SYN3: variants seen among roughly 807,000 people sequenced by gnomAD.
The protein encoded by SYN3 is synapsin-3.
SYN3 carries 35 observed loss-of-function variants against 65.8 expected under a neutral mutation model. That is an observed-to-expected ratio of 0.53 (90% CI 0.41 to 0.70). The LOEUF is 0.70. Ranked by LOEUF, SYN3 falls within the 30% of genes least tolerant of loss-of-function variation. SYN3 has a pLI of 0.00. For missense variants in SYN3, 680 were observed against 749.0 expected (o/e 0.91, Z 1.08); for synonymous variants, 270 against 292.9 (o/e 0.92, Z 0.80).
chr22:32,737,839 C>G (rs559387874), intron 6 of SYN3, among the ~76,000 whole-genome samples: 1 of 152,276 alleles, frequency 6.6e-6, no homozygotes, highest in Admixed American at 6.5e-5. Context: ...GTTGAGATGT[C>G]ACTTCTGGGC....
At chr22:32,917,958 C>A (rs1164174644) in intron 4 of SYN3, among the ~76,000 whole-genome samples, 1 of 151,850 alleles carries the variant, frequency 6.6e-6, no homozygotes, top group Non-Finnish European at 1.5e-5. Flanking sequence ...TAGATGGGGG[C>A]TTCCCCCTCC....
intron 4 of SYN3, among the ~76,000 whole-genome samples, chr22:32,872,145 C>T (rs1377015536): frequency 6.6e-6 from 1 of 152,158 alleles, no homozygotes; most frequent in Admixed American, 6.5e-5. Context: ...TTTATTTCTC[C>T]TGTTTGTTTG....
At chr22:32,928,446 A>T (rs2050538761) in intron 4 of SYN3, among the ~76,000 whole-genome samples, 1 of 152,272 alleles carries the variant, frequency 6.6e-6, no homozygotes, top group African/African-American at 2.4e-5. Context: ...CAGTTGGGCA[A>T]AATCTTTGAA....
intron 2 of SYN3, among the ~76,000 whole-genome samples, chr22:32,996,925 C>G (rs2052897528): frequency 1.3e-5 from 2 of 152,212 alleles, no homozygotes; most frequent in Admixed American, 1.3e-4. Flanking sequence ...TGGCTGTGCA[C>G]TGTAACATGG....
chr22:32,518,995 G>C (rs771224936), intron 12 of SYN3, among the ~76,000 whole-genome samples: 9 of 152,128 alleles, frequency 5.9e-5, no homozygotes, highest in Admixed American at 3.9e-4. Flanking sequence ...ATGTACCCAG[G>C]TACAGAAGAA....
At chr22:32,709,775 A>G (rs775313749) in intron 6 of SYN3, among the ~76,000 whole-genome samples, 3 of 151,786 alleles carry the variant, frequency 2.0e-5, no homozygotes, top group Non-Finnish European at 4.4e-5. Flanking sequence ...TATAAAGGCT[A>G]TCTTATCTTC....
intron 3 of SYN3, among the ~76,000 whole-genome samples, chr22:32,957,700 A>G (rs1267753979): frequency 1.3e-5 from 2 of 152,166 alleles, no homozygotes; most frequent in Non-Finnish European, 2.9e-5. Flanking sequence ...TGAACTGGTC[A>G]CCCTTTCAAA....
intron 6 of SYN3, among the ~76,000 whole-genome samples, chr22:32,638,552 CTGA>C (rs1319346611): frequency 2.0e-5 from 3 of 152,156 alleles, no homozygotes; most frequent in Non-Finnish European, 4.4e-5. Context: ...TTGCATTTCT[CTGA>C]TGATTAGTGA....
intron 6 of SYN3, among the ~76,000 whole-genome samples, chr22:32,803,825 T>G (rs2046654135): frequency 6.6e-6 from 1 of 152,200 alleles, no homozygotes; most frequent in South Asian, 2.1e-4. Flanking sequence ...GAAAATGGGC[T>G]GGGTGACTTC....
At chr22:32,916,327 C>A (rs1273194979) in intron 4 of SYN3, among the ~76,000 whole-genome samples, 1 of 152,182 alleles carries the variant, frequency 6.6e-6, no homozygotes, top group Non-Finnish European at 1.5e-5. Flanking sequence ...TGTGGGTTTA[C>A]AACACAAAGA....
intron 9 of SYN3, among the ~76,000 whole-genome samples, chr22:32,534,379 C>T: frequency 6.6e-6 from 1 of 152,140 alleles, no homozygotes; most frequent in African/African-American, 2.4e-5. Flanking sequence ...CCAGTCCCAG[C>T]CCTGGCCGGA....
At chr22:32,815,034 T>C (rs532791493) in intron 6 of SYN3, among the ~76,000 whole-genome samples, 4 of 152,388 alleles carry the variant, frequency 2.6e-5, no homozygotes, top group African/African-American at 9.6e-5. Context: ...TTATGTATTT[T>C]ACACTCATAG....
chr22:32,525,585 C>T (rs1014105540), intron 12 of SYN3, among the ~76,000 whole-genome samples: 4 of 152,038 alleles, frequency 2.6e-5, no homozygotes, highest in South Asian at 2.1e-4. Context: ...TGGTGGGCAC[C>T]TGTAGTCCCA....
intron 6 of SYN3, among the ~76,000 whole-genome samples, chr22:32,677,694 G>T (rs901152553): frequency 6.6e-6 from 1 of 151,998 alleles, no homozygotes; most frequent in Non-Finnish European, 1.5e-5. Context: ...CCACCTACTC[G>T]GGAGGCTGAG....
chr22:32,609,220 A>G (rs2059409492), intron 6 of SYN3, among the ~76,000 whole-genome samples: 1 of 151,984 alleles, frequency 6.6e-6, no homozygotes, highest in Non-Finnish European at 1.5e-5. Context: ...GTTACTCGGG[A>G]GGCTGAGGGA....
chr22:32,886,919 A>G (rs979948233), intron 4 of SYN3, among the ~76,000 whole-genome samples: 1 of 152,208 alleles, frequency 6.6e-6, no homozygotes, highest in Non-Finnish European at 1.5e-5. Context: ...AAGCCCTTAC[A>G]TGCTTCTCCC....
At chr22:32,581,776 T>TTTTCTTTC (rs767792571) in intron 7 of SYN3, among the ~76,000 whole-genome samples, 3 of 66,640 alleles carry the variant, frequency 4.5e-5, no homozygotes, top group East Asian at 7.1e-4. Context: ...TTTTCTTTTC[T>TTTTCTTTC]TTTCTTTCTT....
chr22:32,669,456 C>T (rs903275412), intron 6 of SYN3, among the ~76,000 whole-genome samples: 5 of 152,182 alleles, frequency 3.3e-5, no homozygotes, highest in Non-Finnish European at 5.9e-5. Flanking sequence ...TAGCTCTACA[C>T]CCTAGTTTCT....
At position 32,603,083 on chromosome 22, in the gene SYN3, T is replaced by C. The variant is rs569987386; in HGVS notation, c.712-6347A>G. 3.4e-4 allele frequency among the ~76,000 whole-genome samples: 52 copies of C among 152,022 alleles called. No individual in the cohort carries two copies. The East Asian group carries it at 9.9e-3, about 29-fold the overall frequency. ...TGAAACCGGATGCCATGGCATTGCA[T>C]ACGGGGTGAATCAGCCACCATATTA... On this transcript the variant is annotated intron_variant, in intron 6 of 13. Coordinates refer to ENST00000358763, the MANE Select transcript of SYN3 (RefSeq NM_003490.4).
Sources: gnomAD v4.1 joint callset for allele counts (sites outside exome capture counted in the v4.1 genomes callset) on GRCh38, gnomAD v4.1.1 for gene constraint, MANE v1.5 for transcripts, NCBI Gene and HGNC (gene_info 2026-07-23, HGNC 2026-07-21) for gene names.